The following SPTBN5 variants were observed in gnomAD, a reference collection of about 807,000 sequenced individuals.
SPTBN5 encodes spectrin beta, non-erythrocytic 5, also known as spectrin beta chain, non-erythrocytic 5.
Under a neutral mutation model 477.6 loss-of-function variants are expected in SPTBN5, and 513 were observed. The ratio of observed to expected loss-of-function variants is 1.07; its 90% CI spans 1.00 to 1.16. SPTBN5 has a LOEUF of 1.16. SPTBN5 is among the 50% of genes most tolerant of loss of function. The probability of loss-of-function intolerance (pLI) is 0.00; values close to 1 mark genes in which losing one functional copy is unlikely to be tolerated. For missense variants in SPTBN5, 5,062 were observed against 4,731.8 expected (o/e 1.07, Z -2.05); for synonymous variants, 2,169 against 2,011.7 (o/e 1.08, Z -2.09).
At chr15:41,889,479 G>A (rs1567234303) in intron 4 of SPTBN5, among the ~76,000 whole-genome samples, 2 of 152,012 alleles carry the variant, frequency 1.3e-5, no homozygotes, top group African/African-American at 4.8e-5. Context: ...GTGTAGTGGT[G>A]TGATCTCGGC....
intron 4 of SPTBN5, 138 bp downstream of exon 4, chr15:41,889,951 A>T: frequency 1.6e-6 from 1 of 624,814 alleles, no homozygotes; most frequent in Non-Finnish European, 2.9e-6. Context: ...TTGGAGAGTG[A>T]ATATGGACTT....
Position 41,871,879 on chromosome 15 carries a change from A to G in SPTBN5, c.5204T>C (p.Phe1735Ser). Residue 1735 changes from phenylalanine to serine, a missense_variant, in exon 28 of 68, where the codon TTC becomes TCC. By Grantham distance (155) the Phe-to-Ser change is radical. Coordinates refer to ENST00000320955, the MANE Select transcript of SPTBN5 (RefSeq NM_016642.4). Reference protein sequence around the residue: ...ELEGTLRLHEFLREAEDLQGW... With the variant: ...ELEGTLRLHESLREAEDLQGW... ...CTGCAGGTCCTCAGCCTCCCTCAGG[A>G]ACTCATGCAGCCTCAGGGTCCCCTC... 6.3e-7 allele frequency: 1 copy of G among 1,586,746 alleles called. No individual in the cohort carries two copies. The highest frequency in any genetic ancestry group is 8.6e-7 in the Non-Finnish European group (1 of 1,166,756).
chr15:41,863,614 G>C (rs2278966), intron 41 of SPTBN5, 90 bp downstream of exon 41: 353,766 of 1,008,716 alleles, frequency 0.35, 64,160 homozygotes, highest in Admixed American at 0.41. Flanking sequence ...GGCCAGTGAG[G>C]GGGGAGACGC....
At chr15:41,850,661 C>CTGTGTGATCTTGGGCAAGT in intron 66 of SPTBN5, 193 bp downstream of exon 66, 1 of 592,630 alleles carries the variant, frequency 1.7e-6, no homozygotes, top group South Asian at 2.1e-5. Context: ...TGCTAATTAG[C>CTGTGTGATCTTGGGCAAGT]TGTGTGATCT....
At chr15:41,860,817 C>T (rs2066080767) in intron 46 of SPTBN5, 59 bp from the exon 47 acceptor site, 1 of 1,400,468 alleles carries the variant, frequency 7.1e-7, no homozygotes, top group Non-Finnish European at 9.4e-7. Context: ...TCCCAGGCTA[C>T]CTGCCTTCCC....
chr15:41,893,247 T>C, intron 2 of SPTBN5, 35 bp downstream of exon 2: 2 of 1,612,828 alleles, frequency 1.2e-6, no homozygotes, highest in Non-Finnish European at 1.7e-6. Context: ...GGGCCTGGTA[T>C]GGGTGGGCTG....
Position 41,880,141 on chromosome 15 carries a change from C to G in SPTBN5, c.2811+19G>C, listed in dbSNP as rs1026976579. On this transcript the variant is annotated intron_variant, in intron 14 of 67. Transcript: ENST00000320955. ...CAGGGGCAAGGCGAGGAGGAGGTGC[C>G]AAGCTCCCAGGGCTGTACCTCATAT... 6.4e-7 allele frequency: 1 copy of G among 1,559,496 alleles called. No homozygotes were observed. Among genetic ancestry groups the G allele is most frequent in the Non-Finnish European group, 8.7e-7 (1 of 1,155,160 alleles).
Position 41,852,936 on chromosome 15 carries a change from C to A in SPTBN5, c.10235G>T (p.Arg3412Leu), listed in dbSNP as rs540346671. The change falls in exon 60 of 68, where the codon CGC (arginine) becomes CTC (leucine). Residue 3412 changes from arginine to leucine, a missense_variant. Coordinates refer to ENST00000320955, the MANE Select transcript of SPTBN5 (RefSeq NM_016642.4). ...CCAGCTCTCGGCACAGCGTTGCCAG[C>A]GCAGGGCCCAAGCCTCCTCCAGCTC... ...LQELEEAWAL[R>L]WQRCAESWGL... The A allele has an allele frequency of 6.3e-7, 1 of 1,582,464 alleles. No individual in the cohort carries two copies. The highest frequency in any genetic ancestry group is 8.6e-7 in the Non-Finnish European group (1 of 1,165,656).
chr15:41,871,666 T>C (rs1032122803), intron 28 of SPTBN5, 116 bp downstream of exon 28: 139 of 1,420,740 alleles, frequency 9.8e-5, no homozygotes, highest in Non-Finnish European at 1.2e-4. Flanking sequence ...AGGCCCCACC[T>C]CAGCCAGGGC....
chr15:41,857,103 G>T, intron 51 of SPTBN5, 64 bp from the exon 52 acceptor site: 1 of 1,532,764 alleles, frequency 6.5e-7, no homozygotes. Context: ...AGGGATACCT[G>T]GTGACACAGA....
At chr15:41,855,173 C>G in intron 55 of SPTBN5, 51 bp downstream of exon 55, 1 of 1,559,312 alleles carries the variant, frequency 6.4e-7, no homozygotes, top group Non-Finnish European at 8.7e-7. Context: ...CAGGGCAGGC[C>G]TTCCTCAGCC....
intron 13 of SPTBN5, among the ~76,000 whole-genome samples, chr15:41,880,818 A>G (rs2066924628): frequency 6.6e-6 from 1 of 152,160 alleles, no homozygotes; most frequent in South Asian, 2.1e-4. Flanking sequence ...CTTCCCTCCA[A>G]GGTGCCTTCC....
At position 41,859,015 on chromosome 15, in the gene SPTBN5, C is replaced by T. The variant is rs748218307; in HGVS notation, c.7989-35G>A. 8.9e-6 allele frequency: 13 copies of T among 1,461,746 alleles called. No individual in the cohort carries two copies. The South Asian group carries it at 1.7e-4, about 19-fold the overall frequency. The allele number at this position is 1,461,746 out of a possible 1,614,324, so 90.5% of individuals were successfully genotyped here. ...GGAGAGGCTCATGGGCCTGGAGCCA[C>T]CCCCGGGGCCAGGTGGGGTGCCCGT... On this transcript the variant is annotated intron_variant, in intron 47 of 67. Coordinates refer to ENST00000320955, the MANE Select transcript of SPTBN5 (RefSeq NM_016642.4).
chr15:41,852,344 T>C (rs1595439593), intron 61 of SPTBN5, 28 bp from the exon 62 acceptor site: 1 of 1,540,038 alleles, frequency 6.5e-7, no homozygotes, highest in Non-Finnish European at 8.8e-7. Context: ...GTGGGCAAGG[T>C]GAGCCAGGTC....
In SPTBN5 at chr15:41,890,071, CT is replaced by C. The variant is rs2067262464; in HGVS notation, c.501+17del. Reference sequence around the variant, plus strand: ...GGGCTGGGTCACCAGGTGCTGGGTACTGGGGACTGAGCCATACCTTGTCCAA... The same window carrying C: ...GGGCTGGGTCACCAGGTGCTGGGTACGGGGACTGAGCCATACCTTGTCCAA... On this transcript the variant is annotated intron_variant, in intron 4 of 67. Coordinates refer to ENST00000320955, the MANE Select transcript of SPTBN5 (RefSeq NM_016642.4). 3.2e-6 allele frequency: 5 copies of C among 1,565,454 alleles called. No individual in the cohort carries two copies. The highest frequency in any genetic ancestry group is 4.4e-6 in the Non-Finnish European group (5 of 1,141,562).
Position 41,880,441 on chromosome 15 carries a change from C to A in SPTBN5, c.2659-129G>T, listed in dbSNP as rs145588275. 5.7e-4 allele frequency: 554 copies of A among 963,662 alleles called. 2 individuals are homozygous for A. The East Asian group carries it at 0.015, about 25-fold the overall frequency. 59.7% of individuals were successfully genotyped at this position (963,662 alleles called of 1,614,324 possible). On this transcript the variant is annotated intron_variant, in intron 13 of 67. Transcript: ENST00000320955. ...GCCCAGGGTCAGGGCCAGAGGGGGT[C>A]CCTGCCTCACTGCTGGGCCCCACAT...
chr15:41,886,821 C>A (rs2067168236), intron 6 of SPTBN5, among the ~76,000 whole-genome samples: 1 of 152,190 alleles, frequency 6.6e-6, no homozygotes, highest in South Asian at 2.1e-4. Context: ...GTAAGGAAGC[C>A]CCCCAAAAAC....
intron 17 of SPTBN5, 40 bp from the exon 18 acceptor site, chr15:41,877,396 C>T (rs1219441284): frequency 6.3e-7 from 1 of 1,585,234 alleles, no homozygotes; most frequent in African/African-American, 1.3e-5. Flanking sequence ...CCCCAGCAGG[C>T]TCCCTCGTCA....
intron 67 of SPTBN5, among the ~76,000 whole-genome samples, chr15:41,849,560 C>T (rs1384506216): frequency 6.6e-6 from 1 of 152,164 alleles, no homozygotes. Context: ...AACCTGGCTG[C>T]TCCTCCCACA....
Sources: gnomAD v4.1 joint callset for allele counts (sites outside exome capture counted in the v4.1 genomes callset) on GRCh38, gnomAD v4.1.1 for gene constraint, MANE v1.5 for transcripts, NCBI Gene and HGNC (gene_info 2026-07-23, HGNC 2026-07-21) for gene names.